GABRA3: variants seen among roughly 807,000 people sequenced by gnomAD.
GABRA3 encodes the protein gamma-aminobutyric acid receptor subunit alpha-3.
GABRA3 carries 10 observed loss-of-function variants against 30.1 expected under a neutral mutation model. The observed-to-expected ratio is 0.33, with a 90% CI of 0.20 to 0.56. GABRA3 has a LOEUF of 0.56. Among genes scored for constraint, GABRA3 ranks in the 20% least tolerant of loss-of-function variants. The pLI, the probability that GABRA3 is intolerant of heterozygous loss-of-function variation, is 0.89. For synonymous variants in GABRA3, 151 were observed against 146.8 expected (o/e 1.03, Z -0.21); for missense variants, 233 against 392.0 (o/e 0.59, Z 3.42).
intron 5 of GABRA3, among the ~76,000 whole-genome samples, chrX:152,236,080 G>C (rs1157477398): frequency 1.1e-5 from 1 of 91,258 alleles, no homozygotes; most frequent in East Asian, 3.6e-4. Context: ...TGCCATGCTG[G>C]TGCGCTGCAC....
chrX:152,203,133 G>T (rs181936041), intron 7 of GABRA3, among the ~76,000 whole-genome samples: 1 of 111,841 alleles, frequency 8.9e-6, no homozygotes, highest in African/African-American at 3.3e-5. Context: ...CAGGGACAAA[G>T]GGAGAGGGTC....
intron 4 of GABRA3, among the ~76,000 whole-genome samples, chrX:152,274,588 T>C (rs1174746418): frequency 9.0e-6 from 1 of 111,695 alleles, no homozygotes; most frequent in African/African-American, 3.2e-5. Context: ...AAAGATTATT[T>C]GAAAATCTTT....
chrX:152,185,090 T>C (rs1937234890), intron 9 of GABRA3, among the ~76,000 whole-genome samples: 1 of 111,974 alleles, frequency 8.9e-6, no homozygotes, highest in Non-Finnish European at 1.9e-5. Flanking sequence ...AAAGGTTTAA[T>C]ATGTCTCCCT....
chrX:152,387,554 G>A (rs763842893), intron 1 of GABRA3, among the ~76,000 whole-genome samples: 6 of 111,067 alleles, frequency 5.4e-5, no homozygotes, highest in East Asian at 2.8e-4. Context: ...CTAAAACAGC[G>A]TGCATCTTTG....
At chrX:152,353,264 G>A (rs1429038003) in intron 2 of GABRA3, among the ~76,000 whole-genome samples, 1 of 111,646 alleles carries the variant, frequency 9.0e-6, no homozygotes, top group Non-Finnish European at 1.9e-5. Context: ...AAAAGCCACT[G>A]CTTCACAAAA....
intron 9 of GABRA3, among the ~76,000 whole-genome samples, chrX:152,188,456 G>A (rs1225888191): frequency 2.7e-5 from 3 of 110,672 alleles, no homozygotes; most frequent in African/African-American, 3.3e-5. Context: ...GAGAAGGAGA[G>A]GTAGGAGTGG....
chrX:152,191,900 C>A (rs1386246090), intron 8 of GABRA3, among the ~76,000 whole-genome samples: 3 of 111,708 alleles, frequency 2.7e-5, no homozygotes, highest in African/African-American at 9.8e-5. Flanking sequence ...TTAACAAACT[C>A]TCTGAATCTG....
At chrX:152,293,341 A>C (rs1939458730) in intron 3 of GABRA3, among the ~76,000 whole-genome samples, 2 of 111,393 alleles carry the variant, frequency 1.8e-5, no homozygotes, top group African/African-American at 3.3e-5. Context: ...TTGTTGGTTT[A>C]AAGTCTGTTT....
chrX:152,366,292 T>C (rs1027233572), intron 1 of GABRA3, among the ~76,000 whole-genome samples: 1 of 111,785 alleles, frequency 8.9e-6, no homozygotes, highest in African/African-American at 3.2e-5. Context: ...ACAGAGACAC[T>C]TGGGCTAGGA....
At chrX:152,206,825 T>G (rs1416880414) in intron 7 of GABRA3, among the ~76,000 whole-genome samples, 1 of 111,766 alleles carries the variant, frequency 8.9e-6, no homozygotes, top group Admixed American at 9.4e-5. Flanking sequence ...TGCCTGCCTG[T>G]GCCACTTGGA....
intron 1 of GABRA3, among the ~76,000 whole-genome samples, chrX:152,384,117 C>A (rs1929232239): frequency 9.0e-6 from 1 of 110,994 alleles, no homozygotes; most frequent in South Asian, 3.8e-4. Context: ...AAGAAAACAA[C>A]CCCATTTATA....
chrX:152,219,337 C>A (rs1360352623), intron 6 of GABRA3, among the ~76,000 whole-genome samples: 1 of 110,875 alleles, frequency 9.0e-6, no homozygotes, highest in African/African-American at 3.3e-5. Flanking sequence ...GCTTCCCTTT[C>A]CAATAACAAC....
intron 2 of GABRA3, 77 bp from the exon 3 acceptor site, chrX:152,345,779 C>A (rs757444257): frequency 2.1e-6 from 2 of 949,728 alleles, no homozygotes; most frequent in Non-Finnish European, 2.8e-6. Context: ...TATCGTAATT[C>A]AAGATTTCAA....
chrX:152,197,431 T>C (rs1569352720), intron 8 of GABRA3, among the ~76,000 whole-genome samples: 1 of 111,502 alleles, frequency 9.0e-6, no homozygotes, highest in Non-Finnish European at 1.9e-5. Flanking sequence ...TTCAGTATCT[T>C]ACTGGTCCAA....
chrX:152,277,863 A>T, intron 4 of GABRA3, among the ~76,000 whole-genome samples: 1 of 111,645 alleles, frequency 9.0e-6, no homozygotes, highest in Non-Finnish European at 1.9e-5. Context: ...CAACTCTCTA[A>T]CACTGTTCGA....
intron 9 of GABRA3, among the ~76,000 whole-genome samples, chrX:152,175,350 A>G (rs1937059849): frequency 9.1e-6 from 1 of 109,968 alleles, no homozygotes; most frequent in Non-Finnish European, 1.9e-5. Flanking sequence ...TGTGGGACCT[A>G]TGCTGGATAG....
intron 9 of GABRA3, among the ~76,000 whole-genome samples, chrX:152,175,852 C>T (rs188374138): frequency 8.1e-4 from 89 of 110,344 alleles, no homozygotes; most frequent in African/African-American, 2.6e-3. Flanking sequence ...ATCATGAGGT[C>T]AGGAGATCGA....
intron 3 of GABRA3, among the ~76,000 whole-genome samples, chrX:152,286,936 T>C (rs912978613): frequency 5.2e-4 from 58 of 111,694 alleles, no homozygotes; most frequent in African/African-American, 1.9e-3. Context: ...ATTTCGGTAC[T>C]TGAAGGAGAA....
At chrX:152,250,347 C>T (rs1220947017) in intron 5 of GABRA3, among the ~76,000 whole-genome samples, 2 of 111,347 alleles carry the variant, frequency 1.8e-5, no homozygotes, top group Admixed American at 9.6e-5. Flanking sequence ...GAACTTTAAA[C>T]ATAGTAAGCA....
Sources: allele counts gnomAD v4.1 joint callset (sites outside exome capture counted in the v4.1 genomes callset), GRCh38; gene constraint gnomAD v4.1.1; transcripts MANE v1.5; gene names NCBI Gene and HGNC (gene_info 2026-07-23, HGNC 2026-07-21).